Variants in GNG7 observed in about 807,000 individuals in gnomAD.
GNG7 encodes the protein G protein subunit gamma 7.
Under a neutral mutation model 4.0 loss-of-function variants are expected in GNG7, and 1 was observed. The ratio of observed to expected loss-of-function variants is 0.25; its 90% CI spans 0.09 to 1.18. The LOEUF (loss-of-function observed/expected upper bound fraction) is 1.18. Ranked by LOEUF, GNG7 falls within the 50% of genes most tolerant of loss-of-function variation. The probability of loss-of-function intolerance (pLI) is 0.50; values close to 1 mark genes in which losing one functional copy is unlikely to be tolerated. For missense variants in GNG7, 86 were observed against 91.9 expected (o/e 0.94, Z 0.26); for synonymous variants, 34 against 36.9 (o/e 0.92, Z 0.29).
intron 1 of GNG7, among the ~76,000 whole-genome samples, chr19:2,681,149 T>A (rs946497817): frequency 6.9e-6 from 1 of 144,276 alleles, no homozygotes; most frequent in African/African-American, 2.4e-5. Context: ...GCCTGGCTAA[T>A]TTTTATTTTT....
At chr19:2,578,975 A>G (rs962032698) in intron 2 of GNG7, among the ~76,000 whole-genome samples, 1 of 151,740 alleles carries the variant, frequency 6.6e-6, no homozygotes, top group Non-Finnish European at 1.5e-5. Flanking sequence ...CCGGCGCCAG[A>G]CCTGCTTGTC....
chr19:2,661,312 G>GAAAGAA (rs1555701552), intron 1 of GNG7, among the ~76,000 whole-genome samples: 37 of 132,768 alleles, frequency 2.8e-4, no homozygotes, highest in African/African-American at 7.2e-4. Context: ...GAGAAAGAAA[G>GAAAGAA]AAAGAAAGAA....
Position 2,557,170 on chromosome 19 carries a change from A to G in GNG7, c.-77-1982T>C, listed in dbSNP as rs567250278. 4.3e-3 allele frequency among the ~76,000 whole-genome samples: 652 copies of G among 151,784 alleles called. 3 individuals carry two copies. Among genetic ancestry groups the G allele is most frequent in the African/African-American group, 0.015 (610 of 41,382 alleles). ...CACATGCACACAAAGACACGCGCACACACGTACACACAAGACACGTGCACA... is the reference window on the plus strand; with the variant it reads ...CACATGCACACAAAGACACGCGCACGCACGTACACACAAGACACGTGCACA... On this transcript the variant is annotated intron_variant, in intron 2 of 4. Transcript: ENST00000382159. This position sits in a 1 kb window ranked among gnomAD's most constrained non-coding sequence, Gnocchi z 5.1.
chr19:2,519,537 T>A (rs1599369878), intron 4 of GNG7, among the ~76,000 whole-genome samples: 1 of 151,864 alleles, frequency 6.6e-6, no homozygotes, highest in Non-Finnish European at 1.5e-5. Flanking sequence ...GTGATCCTCC[T>A]GCCTCGGCCT....
At chr19:2,550,643 C>T (rs1374049395) in intron 3 of GNG7, among the ~76,000 whole-genome samples, 3 of 152,282 alleles carry the variant, frequency 2.0e-5, no homozygotes, top group Non-Finnish European at 2.9e-5. Context: ...GCCTACACAG[C>T]CTGAGGGACC....
Position 2,614,284 on chromosome 19 carries a change from G to A in GNG7, c.-78+31940C>T, listed in dbSNP as rs12462133. 3.5e-3 allele frequency among the ~76,000 whole-genome samples: 526 copies of A among 152,322 alleles called. 11 individuals carry two copies. Among genetic ancestry groups the A allele is most frequent in the Admixed American group, 0.028 (423 of 15,302 alleles). ...CTGCCCTCTGTGTACCCGCAGGGGG[G>A]CCCTGCACGTCGGGTCTCAGGCACA... On this transcript the variant is annotated intron_variant, in intron 2 of 4. Transcript: ENST00000382159. This position sits in a 1 kb window ranked among gnomAD's most constrained non-coding sequence, Gnocchi z 6.0.
At chr19:2,654,532 C>T (rs1982912948) in intron 1 of GNG7, among the ~76,000 whole-genome samples, 1 of 140,646 alleles carries the variant, frequency 7.1e-6, no homozygotes, top group Admixed American at 7.1e-5. Flanking sequence ...GAAAGACCTC[C>T]TCAGTTAGGG....
Position 2,633,890 on chromosome 19 carries a change from CT to C in GNG7, c.-78+12333del, listed in dbSNP as rs1359347980. Among the ~76,000 whole-genome samples, 1 of 152,108 alleles carries C rather than the reference CT, an allele frequency of 6.6e-6. No individual in the cohort carries two copies. The highest frequency in any genetic ancestry group is 1.5e-5 in the Non-Finnish European group (1 of 68,004). On this transcript the variant is annotated intron_variant, in intron 2 of 4. Transcript: ENST00000382159. The surrounding 1 kb of genome is among the most constrained non-coding windows in gnomAD (Gnocchi z 5.9). ...CACTGCAGGGTGCTGAGTGGCACCCCTGACCTCCACCCCATGGCATCCACCA... is the reference window on the plus strand; with the variant it reads ...CACTGCAGGGTGCTGAGTGGCACCCCGACCTCCACCCCATGGCATCCACCA...
intron 3 of GNG7, among the ~76,000 whole-genome samples, chr19:2,553,951 TA>T (rs973223339): frequency 7.2e-6 from 1 of 139,522 alleles, no homozygotes; most frequent in Non-Finnish European, 1.5e-5. Flanking sequence ...ATATTATATG[TA>T]ATATATATTA....
At chr19:2,562,369 C>T (rs1032098448) in intron 2 of GNG7, among the ~76,000 whole-genome samples, 9 of 151,776 alleles carry the variant, frequency 5.9e-5, no homozygotes, top group Non-Finnish European at 1.0e-4. Flanking sequence ...CTGCAACCTC[C>T]GCCTCCCAGG....
chr19:2,610,928 G>A (rs1466533162), intron 2 of GNG7: 1 of 126,902 alleles, frequency 7.9e-6, no homozygotes, highest in Non-Finnish European at 1.6e-5. Context: ...CACTAAACTT[G>A]ACACTTTCAG....
chr19:2,602,189 TA>T (rs1981218676), intron 2 of GNG7, among the ~76,000 whole-genome samples: 1 of 151,946 alleles, frequency 6.6e-6, no homozygotes. Context: ...ATGCAAAAAT[TA>T]GCCGGGCGTG....
In GNG7 at chr19:2,616,697, C is replaced by T. The variant is rs151015168; in HGVS notation, c.-78+29527G>A. Among the ~76,000 whole-genome samples, 21 of 151,838 alleles carry T rather than the reference C, an allele frequency of 1.4e-4. No homozygotes were observed. The East Asian group carries it at 2.4e-3, about 17-fold the overall frequency. On this transcript the variant is annotated intron_variant, in intron 2 of 4. Transcript: ENST00000382159. ...AGGCTGAGGCAGAATTGCTTGAACC[C>T]GGGAGGCAGAGGTTGCAGGTTGCAG...
chr19:2,523,552 A>G (rs940000315), intron 3 of GNG7, among the ~76,000 whole-genome samples: 1 of 152,050 alleles, frequency 6.6e-6, no homozygotes, highest in African/African-American at 2.4e-5. Context: ...AACACGAATG[A>G]TCCCTGTTAG....
At chr19:2,690,198 A>G (rs1203317824) in intron 1 of GNG7, among the ~76,000 whole-genome samples, 1 of 151,994 alleles carries the variant, frequency 6.6e-6, no homozygotes, top group East Asian at 1.9e-4. Context: ...CCTGGCCAAC[A>G]TGGTGAAACC....
At chr19:2,654,772 G>C (rs1982921180) in intron 1 of GNG7, among the ~76,000 whole-genome samples, 1 of 115,708 alleles carries the variant, frequency 8.6e-6, no homozygotes, top group African/African-American at 3.1e-5. Context: ...AATGAATGCA[G>C]GGTCTCCCCC....
chr19:2,601,811 G>A (rs1283997934), intron 2 of GNG7, among the ~76,000 whole-genome samples: 1 of 151,760 alleles, frequency 6.6e-6, no homozygotes, highest in Non-Finnish European at 1.5e-5. Context: ...GGAGGTTGAA[G>A]CGGGAGGCTC....
intron 1 of GNG7, among the ~76,000 whole-genome samples, chr19:2,678,872 G>A (rs1205191547): frequency 6.6e-6 from 1 of 152,006 alleles, no homozygotes; most frequent in East Asian, 1.9e-4. Flanking sequence ...TTCGACGATC[G>A]GAAACCAACA....
At chr19:2,641,376 G>C (rs1982500289) in intron 2 of GNG7, among the ~76,000 whole-genome samples, 1 of 152,194 alleles carries the variant, frequency 6.6e-6, no homozygotes, top group Admixed American at 6.5e-5. Flanking sequence ...TGAAGTTAAG[G>C]ATCGTGAGAT....
Sources: gnomAD v4.1 joint callset for allele counts (sites outside exome capture counted in the v4.1 genomes callset) on GRCh38, gnomAD v4.1.1 for gene constraint, Gnocchi (gnomAD v3.1) non-coding constraint, MANE v1.5 for transcripts, NCBI Gene and HGNC (gene_info 2026-07-23, HGNC 2026-07-21) for gene names.